DLGAP2: variants seen among roughly 807,000 people sequenced by gnomAD.
DLGAP2 encodes the protein DLG associated protein 2.
In DLGAP2, 26 loss-of-function variants were observed where a neutral mutation model predicts 100.3. The observed-to-expected ratio is 0.26, with a 90% CI of 0.19 to 0.36. DLGAP2 has a LOEUF of 0.36. Ranked by LOEUF, DLGAP2 falls within the 10% of genes least tolerant of loss-of-function variation. DLGAP2 has a pLI of 1.00. For missense variants in DLGAP2, 1,858 were observed against 1,453.2 expected (o/e 1.28, Z -4.53); for synonymous variants, 886 against 630.1 (o/e 1.41, Z -6.08).
chr8:1,588,411 A>G (rs965227611), intron 6 of DLGAP2, among the ~76,000 whole-genome samples: 1 of 152,244 alleles, frequency 6.6e-6, no homozygotes, highest in Non-Finnish European at 1.5e-5. Flanking sequence ...GAGTTTTACT[A>G]AACAGCTCAT....
intron 2 of DLGAP2, among the ~76,000 whole-genome samples, chr8:1,177,879 C>A (rs1490973902): frequency 6.6e-6 from 1 of 152,172 alleles, no homozygotes; most frequent in Non-Finnish European, 1.5e-5. Flanking sequence ...TGTGGGGGCT[C>A]CCTTTCAGCA....
chr8:836,039 A>T (rs1796868275), intron 1 of DLGAP2, among the ~76,000 whole-genome samples: 1 of 152,166 alleles, frequency 6.6e-6, no homozygotes, highest in African/African-American at 2.4e-5. Context: ...TCCGCACTTA[A>T]CTCAGAATAA....
At chr8:1,201,957 TGTG>T (rs76423103) in intron 2 of DLGAP2, among the ~76,000 whole-genome samples, 25,804 of 142,626 alleles carry the variant, frequency 0.18, 2,468 homozygotes, top group Admixed American at 0.22. Flanking sequence ...TGTGTACACA[TGTG>T]GTGTGTACAG....
intron 2 of DLGAP2, among the ~76,000 whole-genome samples, chr8:1,244,858 G>A (rs777608463): frequency 3.9e-5 from 6 of 152,140 alleles, no homozygotes; most frequent in Non-Finnish European, 8.8e-5. Context: ...AAGTAATGAG[G>A]TAAAATGTTT....
rs75202903 is a variant in DLGAP2 at position 1,414,649 on chromosome 8, G to T, written c.107-86717G>T. 6.3e-4 allele frequency among the ~76,000 whole-genome samples: 96 copies of T among 152,018 alleles called. 1 individual carries two copies. Among genetic ancestry groups the T allele is most frequent in the African/African-American group, 2.2e-3 (93 of 41,436 alleles). ...TGTCTCTGAGGATCCCGCCATCTAC[G>T]CACGTCCAGGCGTCCTCTGCCCTCA... On this transcript the variant is annotated intron_variant, in intron 3 of 14. Transcript: ENST00000637795.
At chr8:998,057 A>G (rs1447200709) in intron 2 of DLGAP2, among the ~76,000 whole-genome samples, 1 of 151,746 alleles carries the variant, frequency 6.6e-6, no homozygotes, top group African/African-American at 2.4e-5. Flanking sequence ...TCATACACAG[A>G]AACATATACA....
At chr8:1,331,763 A>T (rs1374565552) in intron 3 of DLGAP2, among the ~76,000 whole-genome samples, 2 of 152,198 alleles carry the variant, frequency 1.3e-5, no homozygotes, top group African/African-American at 4.8e-5. Flanking sequence ...GGCTGGGCAC[A>T]CCTTCTCTCA....
At chr8:1,437,800 T>C (rs1261331284) in intron 3 of DLGAP2, among the ~76,000 whole-genome samples, 1 of 113,478 alleles carries the variant, frequency 8.8e-6, no homozygotes, top group Non-Finnish European at 1.8e-5. Flanking sequence ...AAACCCCGTC[T>C]CTACTAAAAA....
At chr8:1,560,382 G>C (rs938193520) in intron 5 of DLGAP2, among the ~76,000 whole-genome samples, 8 of 151,930 alleles carry the variant, frequency 5.3e-5, no homozygotes, top group Non-Finnish European at 1.0e-4. Context: ...TCTTTTCATC[G>C]CTAAATACAC....
intron 2 of DLGAP2, among the ~76,000 whole-genome samples, chr8:963,961 A>G (rs535520206): frequency 3.0e-4 from 45 of 152,310 alleles, no homozygotes; most frequent in African/African-American, 9.4e-4. Context: ...TCTAGAGATC[A>G]CTTATTAAAA....
chr8:1,417,725 A>AGGGGGCCACGGGGAG (rs1452006281), intron 3 of DLGAP2, among the ~76,000 whole-genome samples: 2 of 144,248 alleles, frequency 1.4e-5, no homozygotes, highest in Non-Finnish European at 3.0e-5. Context: ...GCGAGGCTCC[A>AGGGGGCCACGGGGAG]GACACAGAAG....
At chr8:1,097,422 A>T (rs111670597) in intron 2 of DLGAP2, among the ~76,000 whole-genome samples, 874 of 39,298 alleles carry the variant, frequency 0.022, no homozygotes, top group Middle Eastern at 0.062. Flanking sequence ...CATGGAGAGG[A>T]CCCCTCCAGC....
At chr8:1,630,874 G>A (rs972547839) in intron 7 of DLGAP2, among the ~76,000 whole-genome samples, 1 of 151,522 alleles carries the variant, frequency 6.6e-6, no homozygotes, top group Non-Finnish European at 1.5e-5. Flanking sequence ...CTCATGTCCC[G>A]AGGGTCTCGG....
intron 3 of DLGAP2, among the ~76,000 whole-genome samples, chr8:1,472,187 A>G: frequency 6.6e-6 from 1 of 152,092 alleles, no homozygotes; most frequent in East Asian, 1.9e-4. Flanking sequence ...GTGATGCTGG[A>G]GGAAATCCTT....
chr8:742,708 G>T (rs575267586), intron 1 of DLGAP2, among the ~76,000 whole-genome samples: 12 of 151,784 alleles, frequency 7.9e-5, no homozygotes, highest in Non-Finnish European at 1.6e-4. Context: ...AGGTCTTGCA[G>T]TGTTGCCCAG....
chr8:1,377,836 C>G (rs939448232), intron 3 of DLGAP2: 1 of 152,328 alleles, frequency 6.6e-6, no homozygotes, highest in Non-Finnish European at 1.5e-5. Flanking sequence ...AGCATAGGCA[C>G]GGAAGTGTGC....
At chr8:1,191,139 T>A (rs1314594139) in intron 2 of DLGAP2, among the ~76,000 whole-genome samples, 1 of 152,144 alleles carries the variant, frequency 6.6e-6, no homozygotes, top group African/African-American at 2.4e-5. Context: ...TGAATAAATT[T>A]CTTGTAACTA....
At chr8:1,206,178 G>T (rs1365157261) in intron 2 of DLGAP2, among the ~76,000 whole-genome samples, 1 of 152,184 alleles carries the variant, frequency 6.6e-6, no homozygotes, top group Non-Finnish European at 1.5e-5. Context: ...TGTGAGAAGG[G>T]TAGGTACAAG....
At chr8:1,136,776 CGT>C (rs1346436069) in intron 2 of DLGAP2, among the ~76,000 whole-genome samples, 2 of 152,168 alleles carry the variant, frequency 1.3e-5, no homozygotes, top group African/African-American at 2.4e-5. Context: ...GCACACGGGG[CGT>C]GTTGGTGGTG....
Sources: gnomAD v4.1 joint callset for allele counts (sites outside exome capture counted in the v4.1 genomes callset) on GRCh38, gnomAD v4.1.1 for gene constraint, MANE v1.5 for transcripts, NCBI Gene and HGNC (gene_info 2026-07-23, HGNC 2026-07-21) for gene names.